Variants in SEC16B observed in about 807,000 individuals in gnomAD.
SEC16B encodes SEC16 homolog B, endoplasmic reticulum export factor, also known as protein transport protein Sec16B.
Under a neutral mutation model 141.8 loss-of-function variants are expected in SEC16B, and 115 were observed. The observed-to-expected ratio is 0.81, with a 90% confidence interval of 0.70 to 0.95. SEC16B has a LOEUF of 0.95. Among genes scored for constraint, SEC16B ranks in the 40% least tolerant of loss-of-function variants. SEC16B has a pLI of 0.00. For synonymous variants in SEC16B, 493 were observed against 492.5 expected, an observed-to-expected ratio of 1.00 and a Z score of -0.01; for missense variants, 1,291 against 1,312.3, an observed-to-expected ratio of 0.98 and a Z score of 0.25.
At chr1:177,941,447 T>G (rs1306611232) in intron 16 of SEC16B, among the ~76,000 whole-genome samples, 1 of 152,244 alleles carries the variant, frequency 6.6e-6, no homozygotes, top group Non-Finnish European at 1.5e-5. Context: ...TCCTAGGAAC[T>G]AAAGGTTGAT....
At position 177,928,802 on chromosome 1, in the gene SEC16B, A is replaced by T. The variant is rs1650210233; in HGVS notation, c.*1056T>A. ...AGAGACAAGCATTTGCTATAAAATT[A>T]TCTGGGTTTAATTATTATCAATATC... On this transcript the variant is annotated 3_prime_UTR_variant, in exon 26 of 26. Coordinates refer to ENST00000308284, the MANE Select transcript of SEC16B (RefSeq NM_033127.4). 6.6e-6 allele frequency: 1 copy of T among 152,222 alleles called. No individual in the cohort carries two copies. Among genetic ancestry groups the T allele is most frequent in the Non-Finnish European group, 1.5e-5 (1 of 68,048 alleles). The allele number at this position is 152,222 out of a possible 1,614,324, so 9.4% of individuals were successfully genotyped here. A position where few individuals can be genotyped will look rare whatever the true frequency, so the allele number is the denominator to read the frequency against.
At chr1:177,975,773 C>T (rs548874403) in intron 1 of SEC16B, among the ~76,000 whole-genome samples, 15 of 152,250 alleles carry the variant, frequency 9.9e-5, no homozygotes, top group South Asian at 2.1e-4. Context: ...CGGTTTAGTG[C>T]AGAGCAGCCT....
upstream of SEC16B, among the ~76,000 whole-genome samples, chr1:177,971,155 C>T (rs1036973760): frequency 6.6e-6 from 1 of 151,868 alleles, no homozygotes. Flanking sequence ...AATCTCAGCT[C>T]ACTGCAACCT....
intron 11 of SEC16B, 23 bp from the exon 12 acceptor site, chr1:177,952,018 C>A (rs573366494): frequency 2.5e-6 from 4 of 1,577,636 alleles, no homozygotes; most frequent in Non-Finnish European, 3.4e-6. Flanking sequence ...GGATAGTCAG[C>A]GAGGACCAAG....
At chr1:177,930,461 T>C (rs1261490260) in intron 25 of SEC16B, 84 bp downstream of exon 25, 9 of 856,348 alleles carry the variant, frequency 1.1e-5, no homozygotes, top group African/African-American at 1.7e-5. Flanking sequence ...ATATCATAAA[T>C]GGTAAACTGG....
intron 13 of SEC16B, 35 bp from the exon 14 acceptor site, chr1:177,946,566 G>A: frequency 6.7e-7 from 1 of 1,492,032 alleles, no homozygotes; most frequent in Middle Eastern, 2.3e-4. Flanking sequence ...CAATCACGGA[G>A]CACACCCGTA....
chr1:177,959,272 C>T, intron 8 of SEC16B: 1 of 396,844 alleles, frequency 2.5e-6, no homozygotes, highest in South Asian at 2.3e-5. Context: ...GTCAGACAAC[C>T]CTGGATCTAA....
chr1:177,941,304 G>T (rs1010251696), intron 16 of SEC16B, among the ~76,000 whole-genome samples: 1 of 152,158 alleles, frequency 6.6e-6, no homozygotes. Flanking sequence ...AATTTTATAC[G>T]TTAAAGAAGC....
intron 1 of SEC16B, among the ~76,000 whole-genome samples, chr1:177,978,495 C>A (rs536333695): frequency 5.9e-5 from 9 of 151,792 alleles, no homozygotes; most frequent in Non-Finnish European, 1.3e-4. Flanking sequence ...TTGCTGAGGC[C>A]AGAAGCTCAA....
chr1:177,971,060 T>C (rs1021102672), upstream of SEC16B, among the ~76,000 whole-genome samples: 4 of 151,116 alleles, frequency 2.6e-5, 1 homozygote, highest in African/African-American at 9.8e-5. Flanking sequence ...AGCATAGAAT[T>C]CTCTGACTGT....
chr1:177,960,475 T>C, intron 7 of SEC16B, 72 bp from the exon 8 acceptor site: 1 of 1,084,354 alleles, frequency 9.2e-7, no homozygotes, highest in Non-Finnish European at 1.4e-6. Context: ...AAGTCTAGTG[T>C]CAGACCCCAA....
In SEC16B at chr1:177,937,402, G is replaced by A. The variant is rs1650929504; in HGVS notation, c.2315C>T (p.Pro772Leu). The change falls in exon 19 of 26, where the codon CCA (proline) becomes CTA (leucine). Residue 772 changes from proline (P) to leucine (L), a missense_variant. By Grantham distance (98) the Pro-to-Leu change is moderately conservative. Coordinates refer to ENST00000308284, the MANE Select transcript of SEC16B (RefSeq NM_033127.4). ...CGGCTGGAGGGGAAAGGGCTGCTGTGGGCTGGGCTGGAGCAGGCAGGTCTG... is the reference window on the plus strand; with the variant it reads ...CGGCTGGAGGGGAAAGGGCTGCTGTAGGCTGGGCTGGAGCAGGCAGGTCTG... The part of the protein sequence containing the change: ...PEQTCLLQPS[P>L]QQPFPLQPGS... 2 of 1,611,152 alleles carry A rather than the reference G, an allele frequency of 1.2e-6. No homozygotes were observed. Among genetic ancestry groups the A allele is most frequent in the Middle Eastern group, 1.7e-4 (1 of 5,994 alleles).
chr1:177,947,773 GGGAGGGAAGGGACAGGGAGGGGAGC>G (rs1651840106), intron 13 of SEC16B, 27 bp downstream of exon 13: 9 of 1,104,832 alleles, frequency 8.1e-6, no homozygotes, highest in African/African-American at 1.6e-5. Context: ...GGGAGGGGAG[GGGAGGGAAGGGACAGGGAGGGGAGC>G]GGAGGGGAAA....
intron 1 of SEC16B, among the ~76,000 whole-genome samples, chr1:177,968,987 C>G (rs1014490961): frequency 6.6e-6 from 1 of 152,178 alleles, no homozygotes; most frequent in African/African-American, 2.4e-5. Context: ...GCCCATTGCA[C>G]GGGGTAGCGG....
chr1:177,961,015 A>G, intron 6 of SEC16B, 76 bp from the exon 7 acceptor site: 1 of 1,517,176 alleles, frequency 6.6e-7, no homozygotes, highest in East Asian at 2.3e-5. Context: ...AATATGCCAC[A>G]GATGTATTTC....
intron 19 of SEC16B, among the ~76,000 whole-genome samples, 188 bp from the exon 20 acceptor site, chr1:177,936,553 G>A (rs1650858561): frequency 6.6e-6 from 1 of 152,114 alleles, no homozygotes; most frequent in African/African-American, 2.4e-5. Flanking sequence ...GCCACCCCAG[G>A]ACATGCTGTT....
Position 177,958,334 on chromosome 1 carries a change from A to T in SEC16B, c.1163T>A (p.Leu388Gln). Residue 388 changes from leucine to glutamine, a missense_variant, in exon 10 of 26, where the codon CTG (leucine) becomes CAG (glutamine). Coordinates refer to ENST00000308284, the MANE Select transcript of SEC16B (RefSeq NM_033127.4). ...GSMVGSDIAE[L>Q]LMQDCKKLEK... ...CAGCTTCTTGCAGTCTTGCATTAGC[A>T]GCTCAGCGATGTCAGACCCCACCAT... 2 of 1,603,242 alleles carry T rather than the reference A, an allele frequency of 1.2e-6. No homozygotes were observed. Among genetic ancestry groups the T allele is most frequent in the Non-Finnish European group, 1.7e-6 (2 of 1,174,818 alleles).
At chr1:177,976,486 A>C (rs546928882) in intron 1 of SEC16B, among the ~76,000 whole-genome samples, 1 of 152,278 alleles carries the variant, frequency 6.6e-6, no homozygotes, top group East Asian at 1.9e-4. Flanking sequence ...CCAAAGGAGC[A>C]AGACAACTTG....
rs201785627 is a variant in SEC16B at position 177,975,768 on chromosome 1, T to C, written c.-58-7729A>G. Among the ~76,000 whole-genome samples, 6 of 152,262 alleles carry C rather than the reference T, an allele frequency of 3.9e-5. No homozygotes were observed. In the East Asian group the frequency reaches 1.2e-3, roughly 29 times the overall value. ...AAGAATGAATCAGGGAGTGACGGTTTAGTGCAGAGCAGCCTCTTGACTCCA... is the reference window on the plus strand; with the variant it reads ...AAGAATGAATCAGGGAGTGACGGTTCAGTGCAGAGCAGCCTCTTGACTCCA... On this transcript the variant is annotated intron_variant and NMD_transcript_variant, in intron 1 of 24. Transcript: ENST00000528461.
Sources: allele counts gnomAD v4.1 joint callset (sites outside exome capture counted in the v4.1 genomes callset), GRCh38; gene constraint gnomAD v4.1.1; transcripts MANE v1.5; gene names NCBI Gene and HGNC (gene_info 2026-07-23, HGNC 2026-07-21).